The following SPMIP2 variants were observed in gnomAD, a reference collection of about 807,000 sequenced individuals.
SPMIP2 encodes the protein sperm microtubule inner protein 2.
the SPMIP2 span, among the ~76,000 whole-genome samples, chr4:158,928,056 C>T: frequency 3.9e-5 from 6 of 152,214 alleles, no homozygotes; most frequent in Non-Finnish European, 5.9e-5. Context: ...GGTGCCCAGT[C>T]CCATCGACCA....
chr4:159,026,697 G>A, the SPMIP2 span, among the ~76,000 whole-genome samples: 1 of 150,782 alleles, frequency 6.6e-6, no homozygotes. Context: ...TCATCCCTTT[G>A]GTTAATAAAT....
the SPMIP2 span, among the ~76,000 whole-genome samples, chr4:158,947,304 T>C: frequency 2.0e-5 from 3 of 152,122 alleles, no homozygotes; most frequent in African/African-American, 7.2e-5. Context: ...ACCAATATGG[T>C]TTAAAATAGT....
the SPMIP2 span, among the ~76,000 whole-genome samples, chr4:159,065,439 T>C: frequency 6.4e-4 from 97 of 152,052 alleles, no homozygotes; most frequent in Middle Eastern, 3.4e-3. Context: ...TTTTCTTGGC[T>C]GGGTGTGTTG....
the SPMIP2 span, among the ~76,000 whole-genome samples, chr4:158,955,405 TTTTTG>T: frequency 2.0e-5 from 3 of 152,328 alleles, no homozygotes; most frequent in East Asian, 1.9e-4. Context: ...CCATTAATTT[TTTTTG>T]TTTTGTTTTT....
At chr4:158,950,444 C>A in the SPMIP2 span, among the ~76,000 whole-genome samples, 8 of 152,288 alleles carry the variant, frequency 5.3e-5, no homozygotes, top group East Asian at 1.3e-3. Flanking sequence ...TAGACCAGGA[C>A]TTGTCTTTTA....
At chr4:158,992,536 G>GA in the SPMIP2 span, among the ~76,000 whole-genome samples, 4 of 145,256 alleles carry the variant, frequency 2.8e-5, no homozygotes, top group African/African-American at 7.6e-5. Context: ...GTAAGCTTTT[G>GA]AAAAAAGCCA....
At chr4:159,060,373 C>T in the SPMIP2 span, among the ~76,000 whole-genome samples, 193 of 152,284 alleles carry the variant, frequency 1.3e-3, no homozygotes, top group African/African-American at 3.9e-3. Context: ...ACTAAAGTGG[C>T]GCCCAGCCTA....
the SPMIP2 span, among the ~76,000 whole-genome samples, chr4:158,894,675 A>G: frequency 6.6e-6 from 1 of 152,152 alleles, no homozygotes; most frequent in East Asian, 1.9e-4. Flanking sequence ...TTCACTCCAT[A>G]AGGAACTGAA....
the SPMIP2 span, among the ~76,000 whole-genome samples, chr4:158,985,718 T>C: frequency 6.6e-6 from 1 of 151,102 alleles, no homozygotes; most frequent in African/African-American, 2.5e-5. Flanking sequence ...CTTTGAAAAC[T>C]GGCACAAGAC....
the SPMIP2 span, among the ~76,000 whole-genome samples, chr4:158,961,445 G>T: frequency 1.3e-5 from 2 of 152,014 alleles, no homozygotes; most frequent in African/African-American, 4.8e-5. Flanking sequence ...AATAAACAAG[G>T]TCACTATTCC....
At chr4:159,007,538 A>G in the SPMIP2 span, 1 of 987,344 alleles carries the variant, frequency 1.0e-6, no homozygotes, top group South Asian at 1.3e-5. Context: ...TTGGGGTAGC[A>G]ATCCAGGAGA....
At chr4:159,058,951 A>C in the SPMIP2 span, among the ~76,000 whole-genome samples, 110 of 148,060 alleles carry the variant, frequency 7.4e-4, no homozygotes, top group African/African-American at 2.4e-3. Flanking sequence ...GATAACTATT[A>C]TAATGAAAAT....
chr4:159,081,654 C>T, the SPMIP2 span, among the ~76,000 whole-genome samples: 1 of 152,032 alleles, frequency 6.6e-6, no homozygotes, highest in South Asian at 2.1e-4. Context: ...CTCTGCACTC[C>T]ACTGCACTCC....
At chr4:158,938,778 C>T in the SPMIP2 span, among the ~76,000 whole-genome samples, 8,755 of 152,248 alleles carry the variant, frequency 0.058, 296 homozygotes, top group African/African-American at 0.094. Flanking sequence ...TGTAAAAATA[C>T]ACAGTGTTTA....
the SPMIP2 span, among the ~76,000 whole-genome samples, chr4:159,000,447 A>G: frequency 7.9e-4 from 119 of 150,790 alleles, 3 homozygotes; most frequent in Admixed American, 7.9e-3. Flanking sequence ...TCTAAATGGC[A>G]TCGAATCATA....
chr4:158,987,516 G>T, the SPMIP2 span, among the ~76,000 whole-genome samples: 1 of 152,104 alleles, frequency 6.6e-6, no homozygotes, highest in South Asian at 2.1e-4. Context: ...ATCATTTTCA[G>T]TCAACTATCG....
At chr4:159,020,936 T>G in the SPMIP2 span, among the ~76,000 whole-genome samples, 1 of 152,160 alleles carries the variant, frequency 6.6e-6, no homozygotes, top group African/African-American at 2.4e-5. Context: ...TAATTTTTTG[T>G]ATTTTTAGTG....
At chr4:158,978,148 A>G in the SPMIP2 span, among the ~76,000 whole-genome samples, 5 of 152,174 alleles carry the variant, frequency 3.3e-5, no homozygotes, top group South Asian at 2.1e-4. Flanking sequence ...CAAAGAACTT[A>G]TTTATTTCTG....
At chr4:159,011,358 G>C in the SPMIP2 span, among the ~76,000 whole-genome samples, 1 of 152,084 alleles carries the variant, frequency 6.6e-6, no homozygotes, top group Non-Finnish European at 1.5e-5. Context: ...TCATGATCTG[G>C]GATTAATTGA....
Sources: allele counts gnomAD v4.1 joint callset (sites outside exome capture counted in the v4.1 genomes callset), GRCh38; gene constraint gnomAD v4.1.1; transcripts MANE v1.5; gene names NCBI Gene and HGNC (gene_info 2026-07-23, HGNC 2026-07-21).